ABCA13: variants seen among roughly 807,000 people sequenced by gnomAD.
ABCA13 encodes ATP binding cassette subfamily A member 13.
Under a neutral mutation model 478.7 loss-of-function variants are expected in ABCA13, and 476 were observed. The observed-to-expected ratio is 0.99, with a 90% CI of 0.92 to 1.07. The LOEUF is 1.07. Ranked by LOEUF, ABCA13 falls within the 50% of genes least tolerant of loss-of-function variation. ABCA13 has a pLI of 0.00. For missense variants in ABCA13, 6,060 were observed against 5,910.6 expected (o/e 1.03, Z -0.83); for synonymous variants, 2,252 against 2,158.9 (o/e 1.04, Z -1.20).
chr7:48,562,754 A>G (rs574356736), intron 55 of ABCA13, among the ~76,000 whole-genome samples: 1 of 152,262 alleles, frequency 6.6e-6, no homozygotes, highest in South Asian at 2.1e-4. Flanking sequence ...TCAAAGGTAC[A>G]TATGCATCCT....
intron 55 of ABCA13, among the ~76,000 whole-genome samples, chr7:48,550,418 T>TAAATA (rs1785204939): frequency 6.6e-6 from 1 of 151,358 alleles, no homozygotes; most frequent in Non-Finnish European, 1.5e-5. Context: ...CCACCATACC[T>TAAATA]GGCTAATTTT....
intron 37 of ABCA13, among the ~76,000 whole-genome samples, chr7:48,390,246 A>G (rs1815835380): frequency 1.3e-5 from 2 of 152,214 alleles, no homozygotes; most frequent in African/African-American, 4.8e-5. Flanking sequence ...TTTAAAGTTC[A>G]ATGACTGTGT....
rs1817947830 is a variant in ABCA13 at position 48,403,977 on chromosome 7, G to A, written c.12070+98G>A. The A allele has an allele frequency of 5.2e-6, 7 of 1,351,838 alleles. No individual in the cohort carries two copies. The South Asian group carries it at 7.5e-5, about 15-fold the overall frequency. The allele number at this position is 1,351,838 out of a possible 1,614,324, so 83.7% of individuals were successfully genotyped here. A position where few individuals can be genotyped will look rare whatever the true frequency, so the allele number is the denominator to read the frequency against. On this transcript the variant is annotated intron_variant, in intron 39 of 61. Transcript: ENST00000435803. ...GTAGAATCAAGTTGTATCCCAGTGAGGCTACATTATCCTTTTCAGAAAAAT... is the reference window on the plus strand; with the variant it reads ...GTAGAATCAAGTTGTATCCCAGTGAAGCTACATTATCCTTTTCAGAAAAAT...
chr7:48,497,685 C>T lies in ABCA13; in HGVS notation c.13291+8341C>T, dbSNP rs145008582. Among the ~76,000 whole-genome samples, 1,118 of 141,556 alleles carry T rather than the reference C, an allele frequency of 7.9e-3. 8 individuals carry two copies. Among genetic ancestry groups the T allele is most frequent in the Non-Finnish European group, 8.8e-3 (553 of 62,506 alleles). The allele number at this position is 141,556 out of a possible 152,430, so 92.9% of individuals were successfully genotyped here. ...TTTGTGCAGATGAGTGGGACCAGAT[C>T]GCCCACCAGCCTCACTGACACATTC... On this transcript the variant is annotated intron_variant, in intron 48 of 61. Coordinates refer to ENST00000435803, the MANE Select transcript of ABCA13 (RefSeq NM_152701.5).
chr7:48,254,119 T>C (rs1793010311), intron 15 of ABCA13, among the ~76,000 whole-genome samples: 1 of 152,112 alleles, frequency 6.6e-6, no homozygotes, highest in African/African-American at 2.4e-5. Flanking sequence ...TTAATTTCAG[T>C]TATATGTTCT....
intron 15 of ABCA13, among the ~76,000 whole-genome samples, chr7:48,264,042 A>G (rs1157861004): frequency 6.6e-6 from 1 of 151,946 alleles, no homozygotes; most frequent in African/African-American, 2.4e-5. Context: ...AAATGGACAT[A>G]TGCAGTATGT....
chr7:48,424,206 T>C (rs1273151653), intron 41 of ABCA13, among the ~76,000 whole-genome samples: 1 of 152,252 alleles, frequency 6.6e-6, no homozygotes, highest in African/African-American at 2.4e-5. Context: ...GAAGATTGTT[T>C]ATATGTTTTG....
chr7:48,384,356 A>G (rs919169787), intron 35 of ABCA13, among the ~76,000 whole-genome samples: 14 of 152,224 alleles, frequency 9.2e-5, no homozygotes, highest in Admixed American at 9.2e-4. Context: ...AGGCAACCCA[A>G]AGCATCCTCA....
chr7:48,255,912 T>A (rs1277288752), intron 15 of ABCA13, among the ~76,000 whole-genome samples: 4 of 152,204 alleles, frequency 2.6e-5, no homozygotes, highest in African/African-American at 9.6e-5. Flanking sequence ...TTGATCTAAT[T>A]TACTTTCCCT....
rs777726478 is a variant in ABCA13, at chr7:48,314,414, G to C, written c.9859+5G>C. On this transcript the variant is annotated splice_donor_5th_base_variant and intron_variant, in intron 26 of 61. Coordinates refer to ENST00000435803, the MANE Select transcript of ABCA13 (RefSeq NM_152701.5). ...TCAACATTCCTGAAGATTCAAGTAA[G>C]ACAGTAGTAATATATATATATGTGT... is the stretch of plus-strand genomic sequence containing the variant. 9 of 1,567,126 alleles carry C rather than the reference G, an allele frequency of 5.7e-6. No individual in the cohort carries two copies. The highest frequency in any genetic ancestry group is 7.8e-6 in the Non-Finnish European group (9 of 1,154,780).
intron 29 of ABCA13, among the ~76,000 whole-genome samples, chr7:48,343,591 C>T (rs201938516): frequency 6.7e-6 from 1 of 149,324 alleles, no homozygotes; most frequent in African/African-American, 2.5e-5. Flanking sequence ...TATAGATTTT[C>T]TTTTTTTTTT....
intron 1 of ABCA13, among the ~76,000 whole-genome samples, chr7:48,175,712 C>T (rs543205340): frequency 6.6e-5 from 10 of 152,094 alleles, no homozygotes; most frequent in African/African-American, 2.2e-4. Context: ...TGAGCCACTG[C>T]GGTGGACCTA....
intron 58 of ABCA13, among the ~76,000 whole-genome samples, chr7:48,614,974 A>C (rs1792415521): frequency 6.7e-6 from 1 of 150,244 alleles, no homozygotes; most frequent in South Asian, 2.1e-4. Flanking sequence ...AGCATGGCAC[A>C]TGTATACATA....
In ABCA13 at chr7:48,375,558, A is replaced by G. The variant is rs563838874; in HGVS notation, c.11204-883A>G. Reference sequence around the variant, plus strand: ...TTTTGCTTATATTGAGAATTTGACAACTAAAATTCTAAACCAGAACAGACA... The same window carrying G: ...TTTTGCTTATATTGAGAATTTGACAGCTAAAATTCTAAACCAGAACAGACA... On this transcript the variant is annotated intron_variant, in intron 34 of 61. Transcript: ENST00000435803. 7.9e-5 allele frequency among the ~76,000 whole-genome samples: 12 copies of G among 152,262 alleles called. No homozygotes were observed. In the South Asian group the frequency reaches 2.5e-3, roughly 32 times the overall value.
intron 9 of ABCA13, among the ~76,000 whole-genome samples, chr7:48,240,028 TG>T (rs1372836608): frequency 6.6e-6 from 1 of 152,228 alleles, no homozygotes; most frequent in Non-Finnish European, 1.5e-5. Context: ...AGAGCTCCCC[TG>T]GCAGTCACTT....
chr7:48,479,043 G>A (rs1828463535), intron 45 of ABCA13, among the ~76,000 whole-genome samples: 1 of 150,692 alleles, frequency 6.6e-6, no homozygotes, highest in Non-Finnish European at 1.5e-5. Flanking sequence ...CGCCTCCTGG[G>A]TTCACGCCAT....
At chr7:48,219,829 T>C (rs936010088) in intron 4 of ABCA13, among the ~76,000 whole-genome samples, 8 of 151,792 alleles carry the variant, frequency 5.3e-5, no homozygotes, top group African/African-American at 1.9e-4. Flanking sequence ...GGCTGTTGTC[T>C]TCCTTTCTTG....
rs546247363 is a variant in ABCA13, at chr7:48,558,688, T to C, written c.14355-21536T>C. ...AAATTTATCTGATAGAATTCTGAAT[T>C]CCTTCTCTATGTTATCTTGAATTTC... On this transcript the variant is annotated intron_variant, in intron 55 of 61. Coordinates refer to ENST00000435803, the MANE Select transcript of ABCA13 (RefSeq NM_152701.5). Among the ~76,000 whole-genome samples the C allele has an allele frequency of 2.6e-5, 4 of 152,354 alleles. No homozygotes were observed. In the East Asian group the frequency reaches 7.7e-4, roughly 29 times the overall value.
At chr7:48,537,670 C>T (rs921350374) in intron 55 of ABCA13, among the ~76,000 whole-genome samples, 9 of 152,054 alleles carry the variant, frequency 5.9e-5, no homozygotes, top group African/African-American at 9.7e-5. Flanking sequence ...GTGGGAAAGA[C>T]GGTTACAGAA....
Sources: allele counts gnomAD v4.1 joint callset (sites outside exome capture counted in the v4.1 genomes callset), GRCh38; gene constraint gnomAD v4.1.1; transcripts MANE v1.5; gene names NCBI Gene and HGNC (gene_info 2026-07-23, HGNC 2026-07-21).